Variants in TTC27 observed in about 807,000 individuals in gnomAD.
TTC27 encodes the protein tetratricopeptide repeat protein 27.
TTC27 carries 79 observed loss-of-function variants against 115.9 expected under a neutral mutation model. The observed-to-expected ratio is 0.68, with a 90% CI of 0.57 to 0.82. The LOEUF (loss-of-function observed/expected upper bound fraction) is 0.82. Ranked by LOEUF, TTC27 falls within the 40% of genes least tolerant of loss-of-function variation. The probability of loss-of-function intolerance (pLI) is 0.00; values close to 1 mark genes in which losing one functional copy is unlikely to be tolerated. For missense variants in TTC27, 1,054 were observed against 993.1 expected (o/e 1.06, Z -0.82); for synonymous variants, 401 against 356.0 (o/e 1.13, Z -1.42).
intron 16 of TTC27, among the ~76,000 whole-genome samples, chr2:32,801,734 C>G (rs1038812607): frequency 2.6e-5 from 4 of 152,118 alleles, no homozygotes; most frequent in Non-Finnish European, 5.9e-5. Flanking sequence ...GCAGAGGTGA[C>G]AGGCACAGAG....
chr2:32,656,019 A>G (rs1404555935), intron 5 of TTC27, among the ~76,000 whole-genome samples: 1 of 152,136 alleles, frequency 6.6e-6, no homozygotes, highest in Non-Finnish European at 1.5e-5. Context: ...CTGCTCAACA[A>G]CATCAGGGAA....
chr2:32,658,252 A>G (rs1259499374), intron 5 of TTC27, among the ~76,000 whole-genome samples: 1 of 152,132 alleles, frequency 6.6e-6, no homozygotes, highest in African/African-American at 2.4e-5. Flanking sequence ...CCTCTCCAGT[A>G]TCTGGGACTA....
At chr2:32,705,154 C>T (rs1491000631) in intron 10 of TTC27, among the ~76,000 whole-genome samples, 2 of 152,106 alleles carry the variant, frequency 1.3e-5, no homozygotes, top group African/African-American at 4.8e-5. Context: ...TGACTTGTCC[C>T]TCTGTTAGTT....
chr2:32,659,708 C>G (rs1450686393), intron 5 of TTC27, among the ~76,000 whole-genome samples: 1 of 152,104 alleles, frequency 6.6e-6, no homozygotes, highest in African/African-American at 2.4e-5. Flanking sequence ...ATGTTCTCCT[C>G]CCTGTGTCCA....
chr2:32,659,946 T>C (rs918576324), intron 5 of TTC27, among the ~76,000 whole-genome samples: 6 of 152,192 alleles, frequency 3.9e-5, no homozygotes, highest in Non-Finnish European at 8.8e-5. Context: ...TCCAAGTCTT[T>C]GCTATTGTGA....
intron 10 of TTC27, among the ~76,000 whole-genome samples, chr2:32,721,620 C>CT (rs58839860): frequency 0.16 from 21,472 of 137,280 alleles, 1,910 homozygotes; most frequent in African/African-American, 0.21. Flanking sequence ...CTCTCTCTCT[C>CT]TTTTTTTTTT....
chr2:32,712,379 A>G (rs1432706405), intron 10 of TTC27, among the ~76,000 whole-genome samples: 2 of 152,156 alleles, frequency 1.3e-5, no homozygotes, highest in Non-Finnish European at 2.9e-5. Context: ...ACAATGAAGA[A>G]AATAATGTTT....
At chr2:32,641,735 A>T (rs924300755) in intron 4 of TTC27, among the ~76,000 whole-genome samples, 1 of 151,646 alleles carries the variant, frequency 6.6e-6, no homozygotes, top group African/African-American at 2.4e-5. Context: ...CTGGAGTGCA[A>T]TGGCGCGATC....
intron 15 of TTC27, among the ~76,000 whole-genome samples, chr2:32,783,739 A>G (rs1670258265): frequency 6.6e-6 from 1 of 152,266 alleles, no homozygotes; most frequent in Non-Finnish European, 1.5e-5. Context: ...CAAACTCTTT[A>G]TAAAGGAGAA....
intron 12 of TTC27, among the ~76,000 whole-genome samples, chr2:32,752,268 T>C (rs1386287618): frequency 1.3e-5 from 2 of 152,212 alleles, no homozygotes; most frequent in African/African-American, 2.4e-5. Context: ...AAAAGGAATA[T>C]CATCTGGGCC....
intron 8 of TTC27, among the ~76,000 whole-genome samples, chr2:32,675,675 A>G (rs1466469381): frequency 2.6e-5 from 4 of 152,052 alleles, no homozygotes; most frequent in Admixed American, 6.6e-5. Context: ...ATTTTCTTAT[A>G]TTGGCTGATC....
chr2:32,746,563 C>CAAAGAA (rs1179364861), intron 12 of TTC27, among the ~76,000 whole-genome samples: 1 of 46,296 alleles, frequency 2.2e-5, no homozygotes, highest in Non-Finnish European at 3.6e-5. Flanking sequence ...AACTCCATCT[C>CAAAGAA]AAAAAAAAAA....
Position 32,811,163 on chromosome 2 carries a change from G to A in TTC27, c.2138G>A (p.Arg713Lys), listed in dbSNP as rs1257466334. The change falls in exon 17 of 20, where the codon AGG becomes AAG. Residue 713 changes from arginine (R) to lysine (K), a missense_variant. Physicochemically the swap from Arg to Lys is conservative, Grantham distance 26. Transcript: ENST00000317907. ...SRVTNDGEIW[R>K]LYAHVYGNGQ... is the part of the protein sequence containing the mutation. ...GTGACAAATGATGGAGAAATCTGGA[G>A]GCTGTATGCCCACGTATATGGAAAT... The A allele has an allele frequency of 1.9e-6, 3 of 1,614,058 alleles. No homozygotes were observed. Among genetic ancestry groups the A allele is most frequent in the Non-Finnish European group, 2.5e-6 (3 of 1,180,032 alleles).
intron 7 of TTC27, 65 bp downstream of exon 7, chr2:32,666,833 T>G: frequency 6.4e-7 from 1 of 1,551,466 alleles, no homozygotes; most frequent in Non-Finnish European, 8.8e-7. Context: ...AATAGCTGAG[T>G]ACCATAGAAA....
At chr2:32,680,022 G>C (rs1181101413) in intron 9 of TTC27, among the ~76,000 whole-genome samples, 1 of 152,038 alleles carries the variant, frequency 6.6e-6, no homozygotes, top group African/African-American at 2.4e-5. Flanking sequence ...AACAAAAAAA[G>C]CTAGCTTATT....
chr2:32,738,138 G>A (rs1668505913), intron 12 of TTC27, among the ~76,000 whole-genome samples: 1 of 152,178 alleles, frequency 6.6e-6, no homozygotes, highest in South Asian at 2.1e-4. Flanking sequence ...CAGATCACAA[G>A]CTGGTTATTG....
intron 13 of TTC27, among the ~76,000 whole-genome samples, chr2:32,773,850 AGAAGG>A (rs914345582): frequency 6.6e-6 from 1 of 152,234 alleles, no homozygotes; most frequent in African/African-American, 2.4e-5. Flanking sequence ...TATTGGAGAA[AGAAGG>A]GAAGGATGCA....
At chr2:32,676,812 A>G (rs1666226438) in intron 8 of TTC27, among the ~76,000 whole-genome samples, 1 of 151,850 alleles carries the variant, frequency 6.6e-6, no homozygotes, top group African/African-American at 2.4e-5. Flanking sequence ...AATATATGAA[A>G]TATTTATATA....
chr2:32,630,741 A>G (rs1202013183), intron 2 of TTC27, 41 bp downstream of exon 2: 5 of 1,551,100 alleles, frequency 3.2e-6, no homozygotes, highest in Non-Finnish European at 2.6e-6. Flanking sequence ...AACAGAGCAA[A>G]TACATTTAAT....
Sources: gnomAD v4.1 joint callset for allele counts (sites outside exome capture counted in the v4.1 genomes callset) on GRCh38, gnomAD v4.1.1 for gene constraint, MANE v1.5 for transcripts, NCBI Gene and HGNC (gene_info 2026-07-23, HGNC 2026-07-21) for gene names.